AK7: variants seen among roughly 807,000 people sequenced by gnomAD.
AK7 encodes the protein adenylate kinase 7.
Under a neutral mutation model 96.6 loss-of-function variants are expected in AK7, and 78 were observed. That is an observed-to-expected ratio of 0.81 (90% CI 0.67 to 0.97). The LOEUF is 0.97. Ranked by LOEUF, AK7 falls within the 50% of genes least tolerant of loss-of-function variation. The probability of loss-of-function intolerance (pLI) is 0.00; values close to 1 mark genes in which losing one functional copy is unlikely to be tolerated. For missense variants in AK7, 855 were observed against 887.9 expected, an observed-to-expected ratio of 0.96 and a Z score of 0.47; for synonymous variants, 302 against 317.2, an observed-to-expected ratio of 0.95 and a Z score of 0.51.
chr14:96,463,824 C>T (rs572825072), intron 12 of AK7, among the ~76,000 whole-genome samples: 90 of 151,354 alleles, frequency 5.9e-4, no homozygotes, highest in African/African-American at 2.2e-3. Flanking sequence ...ACCAAGAGAA[C>T]ATGAATGCAA....
chr14:96,434,418 GTCTGTCTCTCTC>G (rs1892526266), intron 5 of AK7, among the ~76,000 whole-genome samples: 1 of 106,806 alleles, frequency 9.4e-6, no homozygotes. Context: ...CTCTCTGTCT[GTCTGTCTCTCTC>G]TCTCTCTCTC....
intron 3 of AK7, among the ~76,000 whole-genome samples, chr14:96,407,580 C>CTTTTTTT (rs11364736): frequency 6.6e-5 from 4 of 60,348 alleles, no homozygotes; most frequent in South Asian, 6.7e-4. Flanking sequence ...TCTTTCTTTT[C>CTTTTTTT]TTTTTTTTTT....
intron 12 of AK7, among the ~76,000 whole-genome samples, chr14:96,470,836 A>G (rs1043593935): frequency 2.0e-5 from 3 of 152,192 alleles, no homozygotes; most frequent in Non-Finnish European, 2.9e-5. Flanking sequence ...CAGAGGTGTA[A>G]TATCAAAACA....
intron 9 of AK7, among the ~76,000 whole-genome samples, chr14:96,450,965 G>C (rs1215667012): frequency 6.6e-6 from 1 of 151,796 alleles, no homozygotes; most frequent in African/African-American, 2.4e-5. Context: ...TAGTAGAGAC[G>C]AGGTTTCACC....
intron 12 of AK7, among the ~76,000 whole-genome samples, chr14:96,459,584 G>A (rs186125293): frequency 6.6e-6 from 1 of 152,196 alleles, no homozygotes; most frequent in Admixed American, 6.5e-5. Flanking sequence ...ATGAGGCCGG[G>A]CACGGTGGCT....
At chr14:96,469,343 A>C (rs546914732) in intron 12 of AK7, among the ~76,000 whole-genome samples, 17 of 152,154 alleles carry the variant, frequency 1.1e-4, no homozygotes, top group African/African-American at 4.1e-4. Flanking sequence ...CAACATGGCA[A>C]AACCCTGTCC....
chr14:96,447,031 GA>G (rs1234094297), intron 8 of AK7, among the ~76,000 whole-genome samples: 1 of 152,158 alleles, frequency 6.6e-6, no homozygotes, highest in Non-Finnish European at 1.5e-5. Flanking sequence ...CTCCTAAGAA[GA>G]ATATCCGTAA....
At chr14:96,459,293 G>A (rs1055930697) in intron 12 of AK7, among the ~76,000 whole-genome samples, 9 of 151,706 alleles carry the variant, frequency 5.9e-5, no homozygotes, top group Non-Finnish European at 1.0e-4. Flanking sequence ...AGCCGAGATC[G>A]TGCCACTGCA....
chr14:96,458,005 G>T, intron 11 of AK7, 78 bp from the exon 12 acceptor site: 1 of 1,563,550 alleles, frequency 6.4e-7, no homozygotes. Flanking sequence ...GCTTTTTCCA[G>T]GATCACCTGC....
intron 12 of AK7, 44 bp from the exon 13 acceptor site, chr14:96,471,434 G>T: frequency 9.9e-7 from 1 of 1,008,060 alleles, no homozygotes; most frequent in Non-Finnish European, 1.3e-6. Flanking sequence ...TACTTAGAAT[G>T]TGATACATTA....
Position 96,415,131 on chromosome 14 carries a change from AG to A in AK7, c.499-5688del, listed in dbSNP as rs1202209234. The stretch of plus-strand genomic sequence containing the variant: ...GGGCTAAAAGCAAAGGCCATGGGGA[AG>A]GGACCCCTCACCACAGGTGGAATTA... On this transcript the variant is annotated intron_variant, in intron 4 of 17. Transcript: ENST00000267584. 2.0e-5 allele frequency among the ~76,000 whole-genome samples: 3 copies of A among 151,938 alleles called. No individual in the cohort carries two copies. The East Asian group carries it at 5.8e-4, about 29-fold the overall frequency.
At chr14:96,439,162 A>C (rs1892813453) in intron 6 of AK7, among the ~76,000 whole-genome samples, 2 of 152,128 alleles carry the variant, frequency 1.3e-5, no homozygotes, top group South Asian at 4.1e-4. Context: ...AGATATAATC[A>C]TGGGAGCTGT....
intron 12 of AK7, among the ~76,000 whole-genome samples, chr14:96,467,990 G>T (rs139470885): frequency 6.7e-6 from 1 of 148,734 alleles, no homozygotes. Context: ...TAATCCCAGC[G>T]CTTTGAGAGG....
intron 12 of AK7, among the ~76,000 whole-genome samples, chr14:96,463,346 A>G (rs1894365059): frequency 6.6e-6 from 1 of 152,112 alleles, no homozygotes; most frequent in African/African-American, 2.4e-5. Context: ...TGGCTTGACC[A>G]CTTGCTTAGT....
chr14:96,466,009 C>CAAAA lies in AK7; in HGVS notation c.1358-5455_1358-5452dup, dbSNP rs528356355. 4.0e-3 allele frequency among the ~76,000 whole-genome samples: 432 copies of CAAAA among 107,754 alleles called. 11 individuals are homozygous for CAAAA. Among genetic ancestry groups the CAAAA allele is most frequent in the African/African-American group, 0.014 (410 of 29,262 alleles). The allele number at this position is 107,754 out of a possible 152,430, so 70.7% of individuals were successfully genotyped here. On this transcript the variant is annotated intron_variant, in intron 12 of 17. Transcript: ENST00000267584. ...AGGGCGATAGAGCAAGACTCCATCT[C>CAAAA]AAAAAAAAAAAAAAAAAGAAACCAA...
intron 1 of AK7, among the ~76,000 whole-genome samples, chr14:96,393,680 C>T (rs1261647186): frequency 1.3e-5 from 2 of 152,196 alleles, no homozygotes; most frequent in Admixed American, 6.5e-5. Context: ...CTCACCCTAT[C>T]CAATATGGCT....
intron 5 of AK7, among the ~76,000 whole-genome samples, chr14:96,431,805 G>A (rs1892368648): frequency 6.6e-6 from 1 of 152,106 alleles, no homozygotes; most frequent in African/African-American, 2.4e-5. Context: ...TCAAGTCCTG[G>A]ATATCCTTGT....
chr14:96,443,714 A>G (rs575438222), intron 7 of AK7, among the ~76,000 whole-genome samples: 1 of 152,066 alleles, frequency 6.6e-6, no homozygotes, highest in Non-Finnish European at 1.5e-5. Context: ...CTTGGGCCAC[A>G]CATAAAATAC....
chr14:96,434,765 G>A (rs1204139092), intron 5 of AK7, among the ~76,000 whole-genome samples: 1 of 152,176 alleles, frequency 6.6e-6, no homozygotes, highest in Non-Finnish European at 1.5e-5. Flanking sequence ...AGTCTACCTG[G>A]CGTTCTATTG....
Sources: gnomAD v4.1 joint callset for allele counts (sites outside exome capture counted in the v4.1 genomes callset) on GRCh38, gnomAD v4.1.1 for gene constraint, MANE v1.5 for transcripts, NCBI Gene and HGNC (gene_info 2026-07-23, HGNC 2026-07-21) for gene names.